Variants in ABCC2 observed in about 807,000 individuals in gnomAD.
ABCC2 encodes ATP-binding cassette sub-family C member 2.
In ABCC2, 157 loss-of-function variants were observed where a neutral mutation model predicts 173.4. The ratio of observed to expected loss-of-function variants is 0.91; its 90% CI spans 0.80 to 1.03. The LOEUF (loss-of-function observed/expected upper bound fraction) is 1.03, where lower values mean the gene tolerates loss of function less well. Ranked by LOEUF, ABCC2 falls within the 50% of genes least tolerant of loss-of-function variation. The probability of loss-of-function intolerance (pLI) is 0.00; values close to 1 mark genes in which losing one functional copy is unlikely to be tolerated. For synonymous variants in ABCC2, 657 were observed against 693.5 expected (o/e 0.95, Z 0.83); for missense variants, 1,822 against 1,852.3 (o/e 0.98, Z 0.30).
Position 99,800,277 on chromosome 10 carries a change from C to A in ABCC2, c.1032-109C>A, listed in dbSNP as rs368058927. 5.0e-6 allele frequency: 6 copies of A among 1,197,108 alleles called. No homozygotes were observed. In the Admixed American group the frequency reaches 1.0e-4, roughly 20 times the overall value. The allele number at this position is 1,197,108 out of a possible 1,614,324, so 74.2% of individuals were successfully genotyped here. A position where few individuals can be genotyped will look rare whatever the true frequency, so the allele number is the denominator to read the frequency against. ...CAAAGGCTTTGGACAATTCTGGTCACTTTTGTTACCTACAGTGTAAAGATA... is the reference window on the plus strand; with the variant it reads ...CAAAGGCTTTGGACAATTCTGGTCAATTTTGTTACCTACAGTGTAAAGATA... On this transcript the variant is annotated intron_variant, in intron 8 of 31. Coordinates refer to ENST00000647814, the MANE Select transcript of ABCC2 (RefSeq NM_000392.5).
chr10:99,793,112 A>G (rs1330965291), intron 3 of ABCC2, among the ~76,000 whole-genome samples: 1 of 152,208 alleles, frequency 6.6e-6, no homozygotes, highest in African/African-American at 2.4e-5. Flanking sequence ...GTGAGATGGT[A>G]TAAGGCAAGA....
Position 99,851,561 on chromosome 10 carries a change from A to T in ABCC2, c.4568A>T (p.Gln1523Leu). 6.2e-7 allele frequency: 1 copy of T among 1,614,200 alleles called. No individual in the cohort carries two copies. Among genetic ancestry groups the T allele is most frequent in the South Asian group, 1.1e-5 (1 of 91,088 alleles). Reference sequence around the variant, plus strand: ...TGCGGCAGCCCTGAAGAACTGCTACAAATCCCTGGACCCTTTTACTTTATG... The same window carrying T: ...TGCGGCAGCCCTGAAGAACTGCTACTAATCCCTGGACCCTTTTACTTTATG... ...IECGSPEELL[Q>L]IPGPFYFMAK... Residue 1523 changes from glutamine to leucine, a missense_variant, in exon 32 of 32, where the codon CAA (glutamine) becomes CTA (leucine). Transcript: ENST00000647814.
chr10:99,796,243 G>T (rs982989392), intron 6 of ABCC2, among the ~76,000 whole-genome samples: 3 of 151,976 alleles, frequency 2.0e-5, no homozygotes, highest in African/African-American at 7.3e-5. Flanking sequence ...AGTGGTTCAC[G>T]CCTGTAATCT....
Position 99,797,201 on chromosome 10 carries a change from T to C in ABCC2, c.737T>C (p.Met246Thr). The C allele has an allele frequency of 6.8e-6, 11 of 1,614,102 alleles. No homozygotes were observed. The highest frequency in any genetic ancestry group is 9.3e-6 in the Non-Finnish European group (11 of 1,179,986). The stretch of plus-strand genomic sequence containing the variant: ...TTAGTGAGCAAGTTTGAAACGCACA[T>C]GAAGAGAGAGCTGCAGAAAGCCAGG... Reference protein sequence around the residue: ...KTLVSKFETHMKRELQKARRA... With the variant: ...KTLVSKFETHTKRELQKARRA... Residue 246 changes from methionine (M) to threonine (T), a missense_variant, in exon 7 of 32, where the codon ATG becomes ACG. Physicochemically the swap from Met to Thr is moderately conservative, Grantham distance 81 (BLOSUM62 -1). Transcript: ENST00000647814.
At chr10:99,842,195 C>CTCTGGGTTTA in intron 26 of ABCC2, 102 bp downstream of exon 26, 1 of 1,532,324 alleles carries the variant, frequency 6.5e-7, no homozygotes, top group Non-Finnish European at 9.0e-7. Flanking sequence ...TTCTTAAACC[C>CTCTGGGTTTA]AGAGGGACTA....
chr10:99,818,940 G>A lies in ABCC2; in HGVS notation c.2422G>A (p.Gly808Ser), dbSNP rs750292336. 16 of 1,614,012 alleles carry A rather than the reference G, an allele frequency of 9.9e-6. No homozygotes were observed. The highest frequency in any genetic ancestry group is 1.4e-5 in the Non-Finnish European group (16 of 1,180,030). The change falls in exon 18 of 32, where the codon GGC (glycine) becomes AGC (serine). Residue 808 changes from glycine (G) to serine (S), a missense_variant. Gly to Ser is a moderately conservative substitution (Grantham distance 56). Coordinates refer to ENST00000647814, the MANE Select transcript of ABCC2 (RefSeq NM_000392.5). ...HIFNKVLGPNGLLKGKTRLLV... is the reference protein window; with the variant it reads ...HIFNKVLGPNSLLKGKTRLLV... ...TTTTAATAAGGTCTTGGGCCCCAAT[G>A]GCCTGTTGAAAGGCAAGGTGAGAAA... is the stretch of plus-strand genomic sequence containing the variant.
chr10:99,820,184 G>A (rs2133083884), intron 19 of ABCC2, among the ~76,000 whole-genome samples: 1 of 152,204 alleles, frequency 6.6e-6, no homozygotes, highest in Non-Finnish European at 1.5e-5. Context: ...CTGAGGTCAG[G>A]AGTTCGAGGC....
intron 19 of ABCC2, among the ~76,000 whole-genome samples, chr10:99,823,466 C>T (rs2038575153): frequency 1.3e-5 from 2 of 151,704 alleles, no homozygotes; most frequent in Non-Finnish European, 2.9e-5. Context: ...TTAGAGCTGT[C>T]TCAACATCCC....
chr10:99,794,135 G>A, intron 5 of ABCC2, 136 bp downstream of exon 5: 1 of 763,036 alleles, frequency 1.3e-6, no homozygotes, highest in African/African-American at 2.7e-5. Flanking sequence ...TTATGACAAG[G>A]AAACAGATAG....
rs978948085 is a variant in ABCC2 at position 99,793,930 on chromosome 10, C to T, written c.507C>T (p.Phe169=). ...ATCTAGCCTACTCCTGCCTGTTCTT[C>T]ATCTCCTACGGATTCCAGATCCTGA... ...NSNLAYSCLF[F]ISYGFQILIL... is the part of the protein sequence containing the mutation. Residue 169 remains phenylalanine (F), a synonymous_variant, in exon 5 of 32, where the codon TTC becomes TTT. Transcript: ENST00000647814. 1 of 1,613,870 alleles carries T rather than the reference C, an allele frequency of 6.2e-7. No homozygotes were observed. The highest frequency in any genetic ancestry group is 1.1e-5 in the South Asian group (1 of 91,088).
intron 23 of ABCC2, among the ~76,000 whole-genome samples, chr10:99,833,598 G>A (rs1057205229): frequency 6.6e-6 from 1 of 152,090 alleles, no homozygotes; most frequent in African/African-American, 2.4e-5. Flanking sequence ...ACTGATAACT[G>A]GTAGGGATTT....
intron 19 of ABCC2, among the ~76,000 whole-genome samples, chr10:99,823,593 T>G (rs1193235334): frequency 7.5e-5 from 11 of 146,906 alleles, no homozygotes; most frequent in Admixed American, 3.4e-4. Flanking sequence ...ATGTGGAGTT[T>G]TGATTACTCG....
intron 30 of ABCC2, among the ~76,000 whole-genome samples, chr10:99,847,660 C>T (rs1042370627): frequency 3.3e-5 from 5 of 151,588 alleles, no homozygotes; most frequent in Non-Finnish European, 5.9e-5. Context: ...GTGGCTCACG[C>T]CTGTAATCCC....
rs1219178521 is a variant in ABCC2 at position 99,844,957 on chromosome 10, C to T, written c.3987+492C>T. ...GAGGTCCAGATCAGAGTCTGGCTCT[C>T]AGCTGGTGGCAGACCTAATCTTTCC... On this transcript the variant is annotated intron_variant, in intron 28 of 31. Transcript: ENST00000647814. Among the ~76,000 whole-genome samples, 4 of 152,302 alleles carry T rather than the reference C, an allele frequency of 2.6e-5. No individual in the cohort carries two copies. In the East Asian group the frequency reaches 5.8e-4, roughly 22 times the overall value.
intron 12 of ABCC2, 54 bp from the exon 13 acceptor site, chr10:99,808,029 A>G: frequency 1.1e-5 from 18 of 1,600,134 alleles, no homozygotes; most frequent in Non-Finnish European, 1.5e-5. Flanking sequence ...AACTTAGCAC[A>G]ATGCTGCTTG....
At chr10:99,847,193 T>G in intron 30 of ABCC2, 66 bp downstream of exon 30, 1 of 1,574,780 alleles carries the variant, frequency 6.4e-7, no homozygotes, top group South Asian at 1.1e-5. Context: ...CTCCTCGTGT[T>G]CCTCGTGTTA....
rs776942330 is a variant in ABCC2, at chr10:99,805,365, T to C, written c.1465-17T>C. 2 of 1,611,336 alleles carry C rather than the reference T, an allele frequency of 1.2e-6. No individual in the cohort carries two copies. The highest frequency in any genetic ancestry group is 1.1e-5 in the South Asian group (1 of 91,020). On this transcript the variant is annotated splice_polypyrimidine_tract_variant and intron_variant, in intron 10 of 31. Coordinates refer to ENST00000647814, the MANE Select transcript of ABCC2 (RefSeq NM_000392.5). ...ATGGAAGCGTATATTGTTTTTCTTT[T>C]GCTTTTTTCCTGGCAGGTCAAAAAT...
intron 30 of ABCC2, among the ~76,000 whole-genome samples, chr10:99,848,465 T>C (rs1297280447): frequency 6.6e-6 from 1 of 152,046 alleles, no homozygotes; most frequent in Non-Finnish European, 1.5e-5. Flanking sequence ...CCCAGGGGCC[T>C]CAGTGGTGGT....
intron 25 of ABCC2, among the ~76,000 whole-genome samples, chr10:99,838,385 C>A (rs1452090899): frequency 7.1e-4 from 73 of 102,912 alleles, no homozygotes; most frequent in African/African-American, 2.4e-3. Context: ...GGGGGCCGAC[C>A]CCCCCACCTC....
Sources: gnomAD v4.1 joint callset for allele counts (sites outside exome capture counted in the v4.1 genomes callset) on GRCh38, gnomAD v4.1.1 for gene constraint, MANE v1.5 for transcripts, NCBI Gene and HGNC (gene_info 2026-07-23, HGNC 2026-07-21) for gene names.